The following TMEM117 variants were observed in gnomAD, a reference collection of about 807,000 sequenced individuals.
The protein encoded by TMEM117 is transmembrane protein 117.
Under a neutral mutation model 52.4 loss-of-function variants are expected in TMEM117, and 27 were observed. The ratio of observed to expected loss-of-function variants is 0.51; its 90% CI spans 0.38 to 0.71. TMEM117 has a LOEUF of 0.71. Ranked by LOEUF, TMEM117 falls within the 30% of genes least tolerant of loss-of-function variation. The probability of loss-of-function intolerance (pLI) is 0.00; values close to 1 mark genes in which losing one functional copy is unlikely to be tolerated. For synonymous variants in TMEM117, 215 were observed against 206.3 expected (o/e 1.04, Z -0.36); for missense variants, 556 against 630.5 (o/e 0.88, Z 1.26).
chr12:44,025,217 A>G (rs1162725905), intron 3 of TMEM117, among the ~76,000 whole-genome samples: 4 of 152,178 alleles, frequency 2.6e-5, no homozygotes, highest in African/African-American at 9.7e-5. Context: ...TAATAATAAT[A>G]ATTGTAACAC....
intron 4 of TMEM117, among the ~76,000 whole-genome samples, chr12:44,206,005 CAG>C (rs1949560710): frequency 6.6e-6 from 1 of 152,206 alleles, no homozygotes; most frequent in African/African-American, 2.4e-5. Context: ...AAGTGGGAAT[CAG>C]GGGGCTGACA....
rs562843291 is a variant in TMEM117 at position 43,991,709 on chromosome 12, T to TGA, written c.410+47383_410+47384dup. Among the ~76,000 whole-genome samples, 395 of 149,792 alleles carry TGA rather than the reference T, an allele frequency of 2.6e-3. 4 individuals are homozygous for TGA. Among genetic ancestry groups the TGA allele is most frequent in the East Asian group, 0.026 (132 of 5,130 alleles). Reference sequence around the variant, plus strand: ...TTCTAATTATTATCTACGGACAAAATGAGAGAGAGAGAGAGAGCAAGAGTG... The same window carrying TGA: ...TTCTAATTATTATCTACGGACAAAATGAGAGAGAGAGAGAGAGAGCAAGAGTG... On this transcript the variant is annotated intron_variant, in intron 3 of 7. Coordinates refer to ENST00000266534, the MANE Select transcript of TMEM117 (RefSeq NM_032256.3).
chr12:44,245,366 A>G (rs570231220), intron 5 of TMEM117, among the ~76,000 whole-genome samples: 4 of 152,002 alleles, frequency 2.6e-5, no homozygotes, highest in Admixed American at 6.5e-5. Flanking sequence ...TCTTTTCTTC[A>G]GTTTCTTTCA....
At chr12:43,955,113 G>A (rs547986666) in intron 3 of TMEM117, among the ~76,000 whole-genome samples, 8 of 152,142 alleles carry the variant, frequency 5.3e-5, no homozygotes, top group Non-Finnish European at 1.2e-4. Flanking sequence ...CAATAAACTA[G>A]GTGTTGAAGG....
At chr12:44,226,730 G>C (rs1417850122) in intron 5 of TMEM117, among the ~76,000 whole-genome samples, 3 of 152,074 alleles carry the variant, frequency 2.0e-5, no homozygotes, top group Admixed American at 6.6e-5. Context: ...GACACACACA[G>C]AGTGTAGATT....
At chr12:44,375,684 C>A (rs1035784644) in intron 6 of TMEM117, among the ~76,000 whole-genome samples, 4 of 152,104 alleles carry the variant, frequency 2.6e-5, no homozygotes, top group African/African-American at 9.7e-5. Flanking sequence ...TATTCAAATT[C>A]TTTAAAGAAT....
At chr12:44,150,468 G>T (rs1417254956) in intron 4 of TMEM117, among the ~76,000 whole-genome samples, 1 of 152,098 alleles carries the variant, frequency 6.6e-6, no homozygotes, top group African/African-American at 2.4e-5. Flanking sequence ...ATGGACCATC[G>T]CACAGACAAA....
intron 3 of TMEM117, among the ~76,000 whole-genome samples, chr12:43,975,297 T>C (rs932292808): frequency 6.6e-6 from 1 of 152,172 alleles, no homozygotes; most frequent in African/African-American, 2.4e-5. Flanking sequence ...CCCTTGACTC[T>C]ATATATTTGT....
chr12:44,231,461 C>G (rs748262975), intron 5 of TMEM117, among the ~76,000 whole-genome samples: 2 of 151,626 alleles, frequency 1.3e-5, no homozygotes, highest in Non-Finnish European at 3.0e-5. Flanking sequence ...ATACATGTCT[C>G]TTGGATGATG....
At chr12:44,254,598 C>T (rs1002240329) in intron 5 of TMEM117, among the ~76,000 whole-genome samples, 25 of 151,712 alleles carry the variant, frequency 1.6e-4, no homozygotes, top group African/African-American at 5.8e-4. Flanking sequence ...TAGTCATACC[C>T]TTGATTCAGT....
chr12:44,138,309 T>C (rs533087092), intron 3 of TMEM117, among the ~76,000 whole-genome samples: 23 of 152,228 alleles, frequency 1.5e-4, no homozygotes, highest in African/African-American at 5.5e-4. Flanking sequence ...ATAGTGGTGA[T>C]GACAGAAAAA....
intron 6 of TMEM117, among the ~76,000 whole-genome samples, chr12:44,310,669 T>G (rs1950962918): frequency 6.6e-6 from 1 of 152,158 alleles, no homozygotes; most frequent in South Asian, 2.1e-4. Flanking sequence ...CACCGGAACC[T>G]TTACAGAGAT....
At chr12:44,348,726 A>T (rs1256297319) in intron 6 of TMEM117, among the ~76,000 whole-genome samples, 1 of 151,726 alleles carries the variant, frequency 6.6e-6, no homozygotes, top group African/African-American at 2.4e-5. Context: ...AGAAAAGGGG[A>T]TATTGGTACC....
intron 5 of TMEM117, among the ~76,000 whole-genome samples, chr12:44,262,587 C>A (rs918978454): frequency 6.6e-6 from 1 of 152,140 alleles, no homozygotes; most frequent in African/African-American, 2.4e-5. Flanking sequence ...AATTCTGTAG[C>A]AGTTAAATTA....
chr12:43,971,982 A>G (rs1945595303), intron 3 of TMEM117, among the ~76,000 whole-genome samples: 1 of 152,176 alleles, frequency 6.6e-6, no homozygotes, highest in Non-Finnish European at 1.5e-5. Flanking sequence ...TAGATACCTC[A>G]TATAAGTGGA....
chr12:43,940,290 CCTT>C (rs1565760387), intron 2 of TMEM117, among the ~76,000 whole-genome samples: 3 of 152,218 alleles, frequency 2.0e-5, no homozygotes, highest in African/African-American at 4.8e-5. Context: ...AAACACTTCT[CCTT>C]CTCCTCTGAG....
At chr12:44,358,503 G>A (rs939470707) in intron 6 of TMEM117, among the ~76,000 whole-genome samples, 1 of 152,034 alleles carries the variant, frequency 6.6e-6, no homozygotes, top group Admixed American at 6.6e-5. Flanking sequence ...CAGAGATTGT[G>A]TTATTCTTCA....
chr12:44,189,325 C>T (rs572618358), intron 4 of TMEM117, among the ~76,000 whole-genome samples: 5 of 152,198 alleles, frequency 3.3e-5, no homozygotes, highest in Admixed American at 1.3e-4. Flanking sequence ...TCCAGTGTTA[C>T]TGCAGAAAAT....
chr12:43,924,784 A>G (rs1944751503), intron 2 of TMEM117, among the ~76,000 whole-genome samples: 1 of 152,218 alleles, frequency 6.6e-6, no homozygotes, highest in South Asian at 2.1e-4. Context: ...CTGTGTAACA[A>G]ACACATCCAA....
Sources: allele counts gnomAD v4.1 joint callset (sites outside exome capture counted in the v4.1 genomes callset), GRCh38; gene constraint gnomAD v4.1.1; transcripts MANE v1.5; gene names NCBI Gene and HGNC (gene_info 2026-07-23, HGNC 2026-07-21).